The following RIMS2 variants were observed in gnomAD, a reference collection of about 807,000 sequenced individuals.
RIMS2 encodes the protein regulating synaptic membrane exocytosis protein 2.
Under a neutral mutation model 174.4 loss-of-function variants are expected in RIMS2, and 59 were observed. The observed-to-expected ratio is 0.34, with a 90% CI of 0.27 to 0.42. The LOEUF (loss-of-function observed/expected upper bound fraction) is 0.42. Among genes scored for constraint, RIMS2 ranks in the 10% least tolerant of loss-of-function variants. The probability of loss-of-function intolerance (pLI) is 1.00; values close to 1 mark genes in which losing one functional copy is unlikely to be tolerated. For missense variants in RIMS2, 1,620 were observed against 1,666.3 expected (o/e 0.97, Z 0.48); for synonymous variants, 606 against 572.5 (o/e 1.06, Z -0.84).
At chr8:103,851,290 A>G (rs1389671039) in intron 3 of RIMS2, among the ~76,000 whole-genome samples, 1 of 151,872 alleles carries the variant, frequency 6.6e-6, no homozygotes, top group Admixed American at 6.6e-5. Flanking sequence ...ATGTGGTACT[A>G]TATTTCTATT....
At chr8:103,902,759 T>C (rs1044710691) in intron 4 of RIMS2, among the ~76,000 whole-genome samples, 1 of 152,154 alleles carries the variant, frequency 6.6e-6, no homozygotes, top group Admixed American at 6.5e-5. Context: ...TTCAATTAAG[T>C]TTGTGGAAAC....
chr8:103,537,639 A>G (rs1056638596), intron 1 of RIMS2, among the ~76,000 whole-genome samples: 1 of 152,072 alleles, frequency 6.6e-6, no homozygotes, highest in African/African-American at 2.4e-5. Flanking sequence ...GGTAGTACTT[A>G]CCATGTCTGG....
At chr8:103,564,893 T>C (rs1327345764) in intron 1 of RIMS2, among the ~76,000 whole-genome samples, 1 of 152,162 alleles carries the variant, frequency 6.6e-6, no homozygotes, top group Non-Finnish European at 1.5e-5. Flanking sequence ...GTCTTACCAT[T>C]TTTTAGGAAT....
chr8:103,901,403 A>G (rs1019691040), intron 4 of RIMS2, among the ~76,000 whole-genome samples: 1 of 152,100 alleles, frequency 6.6e-6, no homozygotes, highest in African/African-American at 2.4e-5. Flanking sequence ...AGTGTGGCAA[A>G]CTTGCTGACA....
At position 103,741,291 on chromosome 8, in the gene RIMS2, G is replaced by T. The variant is rs180772353; in HGVS notation, c.388-24936G>T. Among the ~76,000 whole-genome samples the T allele has an allele frequency of 2.0e-4, 30 of 151,984 alleles. 2 individuals are homozygous for T. In the South Asian group the frequency reaches 3.5e-3, roughly 18 times the overall value. ...CATCAATTCTATTTCTATTTCCTTCGTTTTTATAGATGCAAATGCTGAGGA... is the reference window on the plus strand; with the variant it reads ...CATCAATTCTATTTCTATTTCCTTCTTTTTTATAGATGCAAATGCTGAGGA... On this transcript the variant is annotated intron_variant, in intron 2 of 23. Coordinates refer to ENST00000504942, the Ensembl canonical transcript of RIMS2.
chr8:103,836,964 C>T (rs1564841575), intron 3 of RIMS2, among the ~76,000 whole-genome samples: 3 of 152,164 alleles, frequency 2.0e-5, no homozygotes, highest in African/African-American at 7.2e-5. Context: ...GAATTGTTCA[C>T]CTGCATGAGC....
At position 104,049,055 on chromosome 8, in the gene RIMS2, C is replaced by T. The variant is rs537267284; in HGVS notation, c.3334+34440C>T. Among the ~76,000 whole-genome samples, 253 of 150,930 alleles carry T rather than the reference C, an allele frequency of 1.7e-3. 1 individual carries two copies. The highest frequency in any genetic ancestry group is 3.4e-3 in the Middle Eastern group (1 of 294). ...TTTAATAGTAGAACTGGGCATCGGA[C>T]TATAGCTTGGACACTTCATGTGTTC... is the stretch of plus-strand genomic sequence containing the variant. On this transcript the variant is annotated intron_variant, in intron 19 of 23. Transcript: ENST00000504942.
chr8:103,648,074 CT>C (rs1340978381), intron 1 of RIMS2, among the ~76,000 whole-genome samples: 8 of 151,800 alleles, frequency 5.3e-5, no homozygotes, highest in East Asian at 3.9e-4. Context: ...AATTTCCCCC[CT>C]AACACTGCTT....
At chr8:103,776,144 C>T (rs1003445672) in intron 3 of RIMS2, among the ~76,000 whole-genome samples, 5 of 152,128 alleles carry the variant, frequency 3.3e-5, no homozygotes, top group Admixed American at 6.6e-5. Context: ...GCCATGATTT[C>T]ATCCTGTGTG....
chr8:103,576,947 T>C (rs970922947), intron 1 of RIMS2, among the ~76,000 whole-genome samples: 1 of 151,908 alleles, frequency 6.6e-6, no homozygotes, highest in Non-Finnish European at 1.5e-5. Flanking sequence ...AAGACTTAAA[T>C]GTTAGACCTA....
intron 19 of RIMS2, among the ~76,000 whole-genome samples, chr8:104,188,683 C>G (rs1005412423): frequency 4.0e-5 from 6 of 151,786 alleles, no homozygotes; most frequent in Non-Finnish European, 1.5e-5. Context: ...AAATAGGACA[C>G]AAACTTATAG....
chr8:103,629,158 G>A (rs993013617), intron 1 of RIMS2, among the ~76,000 whole-genome samples: 10 of 152,190 alleles, frequency 6.6e-5, no homozygotes, highest in African/African-American at 2.4e-4. Flanking sequence ...GGGTGCTGCA[G>A]CCAACAGATT....
chr8:103,717,682 AAC>A (rs1451602797), intron 2 of RIMS2, among the ~76,000 whole-genome samples: 3 of 152,240 alleles, frequency 2.0e-5, no homozygotes, highest in Non-Finnish European at 4.4e-5. Context: ...TTCATAATAT[AAC>A]AGTCTATATT....
intron 10 of RIMS2, among the ~76,000 whole-genome samples, chr8:103,926,170 C>T (rs537586649): frequency 6.6e-6 from 1 of 151,382 alleles, no homozygotes; most frequent in African/African-American, 2.4e-5. Context: ...TAAAAATATT[C>T]TGTAACGTTA....
intron 2 of RIMS2, among the ~76,000 whole-genome samples, chr8:103,728,333 G>T (rs771922174): frequency 1.6e-4 from 25 of 151,988 alleles, no homozygotes; most frequent in Admixed American, 6.6e-4. Flanking sequence ...GTTTTTTGGT[G>T]GAGTCTTTAG....
chr8:103,590,763 C>T (rs1223572598), intron 1 of RIMS2, among the ~76,000 whole-genome samples: 3 of 151,100 alleles, frequency 2.0e-5, no homozygotes, highest in Non-Finnish European at 4.5e-5. Flanking sequence ...CTGTGTAAGG[C>T]ATATTTCACT....
chr8:103,824,907 A>G (rs1009087175), intron 3 of RIMS2, among the ~76,000 whole-genome samples: 3 of 152,216 alleles, frequency 2.0e-5, no homozygotes, highest in Non-Finnish European at 4.4e-5. Context: ...TGCTGCATTT[A>G]AGTAAGGATT....
chr8:103,663,275 C>A (rs2136147032), intron 1 of RIMS2, among the ~76,000 whole-genome samples: 1 of 152,058 alleles, frequency 6.6e-6, no homozygotes. Flanking sequence ...AGAAACAAAG[C>A]CATTTGTATT....
intron 1 of RIMS2, among the ~76,000 whole-genome samples, chr8:103,554,752 C>T (rs1266886312): frequency 6.6e-6 from 1 of 152,152 alleles, no homozygotes; most frequent in African/African-American, 2.4e-5. Context: ...CATTGCAGCA[C>T]TACTCTCAAT....
Sources: allele counts gnomAD v4.1 joint callset (sites outside exome capture counted in the v4.1 genomes callset), GRCh38; gene constraint gnomAD v4.1.1; transcripts MANE v1.5; gene names NCBI Gene and HGNC (gene_info 2026-07-23, HGNC 2026-07-21).